The following TYW3 variants were observed in gnomAD, a reference collection of about 807,000 sequenced individuals.
TYW3 encodes tRNA-yW synthesizing protein 3 homolog.
TYW3 carries 26 observed loss-of-function variants against 23.1 expected under a neutral mutation model. The observed-to-expected ratio is 1.13, with a 90% CI of 0.83 to 1.56. TYW3 has a LOEUF of 1.56. TYW3 is among the 40% of genes most tolerant of loss of function. The probability of loss-of-function intolerance (pLI) is 0.00; values close to 1 mark genes in which losing one functional copy is unlikely to be tolerated. For synonymous variants in TYW3, 102 were observed against 105.7 expected (o/e 0.97, Z 0.21); for missense variants, 316 against 311.9 (o/e 1.01, Z -0.10).
intron 3 of TYW3, 91 bp downstream of exon 3, chr1:74,738,879 A>T: frequency 1.2e-6 from 1 of 813,138 alleles, no homozygotes; most frequent in Non-Finnish European, 1.9e-6. Context: ...TCAATGAGAT[A>T]TTACCTTATT....
intron 3 of TYW3, among the ~76,000 whole-genome samples, chr1:74,747,028 C>T (rs1648585843): frequency 6.6e-6 from 1 of 152,156 alleles, no homozygotes; most frequent in South Asian, 2.1e-4. Flanking sequence ...ATAGCAAGGG[C>T]TGGAGCAAAT....
rs1344319091 is a variant in TYW3, at chr1:74,733,289, G to T, written c.45G>T (p.Leu15Phe). The T allele has an allele frequency of 1.2e-6, 2 of 1,614,170 alleles. No homozygotes were observed. Among genetic ancestry groups the T allele is most frequent in the East Asian group, 4.5e-5 (2 of 44,884 alleles). Reference protein sequence around the residue: ...AEFRKWKAQCLSKADLSRKGS... With the variant: ...AEFRKWKAQCFSKADLSRKGS... ...TCAGGAAATGGAAGGCGCAATGTTT[G>T]AGCAAAGCGGACCTCAGCCGGAAGG... is the stretch of plus-strand genomic sequence containing the variant. Residue 15 changes from leucine to phenylalanine, a missense_variant, in exon 1 of 6, where the codon TTG becomes TTT. Leu to Phe is a conservative substitution (Grantham distance 22). Transcript: ENST00000370867.
At chr1:74,756,239 A>T (rs1372312446) in intron 5 of TYW3, among the ~76,000 whole-genome samples, 1 of 152,256 alleles carries the variant, frequency 6.6e-6, no homozygotes, top group East Asian at 1.9e-4. Flanking sequence ...AAAAATGTGG[A>T]AGCGACTTTG....
chr1:74,763,891 C>G lies in TYW3; in HGVS notation c.561-3C>G. 6.3e-7 allele frequency: 1 copy of G among 1,585,618 alleles called. No individual in the cohort carries two copies. The highest frequency in any genetic ancestry group is 8.5e-7 in the Non-Finnish European group (1 of 1,172,514). ...TATAATAGTAGTACTTATTTCTTCA[C>G]AGGTTTTACAACTGCCTACAGCATG... On this transcript the variant is annotated splice_polypyrimidine_tract_variant and splice_region_variant and intron_variant, in intron 5 of 5. Coordinates refer to ENST00000370867, the MANE Select transcript of TYW3 (RefSeq NM_138467.3).
intron 3 of TYW3, among the ~76,000 whole-genome samples, chr1:74,743,141 C>T (rs138183297): frequency 5.9e-5 from 9 of 152,264 alleles, no homozygotes; most frequent in Admixed American, 3.3e-4. Flanking sequence ...CATGGACAAG[C>T]GGGCAGCTTG....
chr1:74,763,364 A>G (rs1649191589), intron 5 of TYW3, among the ~76,000 whole-genome samples: 1 of 152,130 alleles, frequency 6.6e-6, no homozygotes, highest in Admixed American at 6.6e-5. Flanking sequence ...AGATGACATA[A>G]TGTTGTACTG....
At position 74,752,414 on chromosome 1, in the gene TYW3, A is replaced by G; in HGVS notation, c.549A>G (p.Lys183=). ...ATCAAAAAATGGAGGAAAACAAGAA[A>G]AGAATTGAGAGGTATATTAATTGGG... is the stretch of plus-strand genomic sequence containing the variant. ...VANQKMEENK[K]RIERFYNCLQ... The change falls in exon 5 of 6, where the codon AAA becomes AAG. Residue 183 remains lysine, a synonymous_variant. Transcript: ENST00000370867. The G allele has an allele frequency of 6.2e-7, 1 of 1,613,422 alleles. No individual in the cohort carries two copies. The highest frequency in any genetic ancestry group is 8.5e-7 in the Non-Finnish European group (1 of 1,179,636).
intron 3 of TYW3, 28 bp downstream of exon 3, chr1:74,738,816 AT>A: frequency 6.5e-7 from 1 of 1,549,348 alleles, no homozygotes; most frequent in Non-Finnish European, 8.9e-7. Flanking sequence ...TTGTACTTGA[AT>A]TTATAGATAT....
intron 5 of TYW3, among the ~76,000 whole-genome samples, chr1:74,762,521 T>G (rs1237688070): frequency 6.6e-6 from 1 of 152,138 alleles, no homozygotes; most frequent in African/African-American, 2.4e-5. Flanking sequence ...CAATATAGTC[T>G]TACTGAGTAT....
At chr1:74,753,446 G>A (rs906504559) in intron 5 of TYW3, among the ~76,000 whole-genome samples, 68 of 152,136 alleles carry the variant, frequency 4.5e-4, no homozygotes, top group African/African-American at 1.6e-3. Context: ...TTTTTTTGAA[G>A]CATTGAAGGC....
At chr1:74,763,498 TGAAAA>T (rs1557752206) in intron 5 of TYW3, among the ~76,000 whole-genome samples, 2 of 152,146 alleles carry the variant, frequency 1.3e-5, no homozygotes, top group Middle Eastern at 3.2e-3. Flanking sequence ...ATTAATAAAC[TGAAAA>T]GAAAAATATT....
chr1:74,748,883 C>T lies in TYW3; in HGVS notation c.426+61C>T. On this transcript the variant is annotated intron_variant, in intron 4 of 5. Transcript: ENST00000370867. ...TAAAGTGATCCAGAAATTGAATAACCTAATTAGACTCCTGCCTTTAATGTC... is the reference window on the plus strand; with the variant it reads ...TAAAGTGATCCAGAAATTGAATAACTTAATTAGACTCCTGCCTTTAATGTC... The T allele has an allele frequency of 2.2e-6, 3 of 1,392,344 alleles. No individual in the cohort carries two copies. The South Asian group carries it at 3.5e-5, about 16-fold the overall frequency. The allele number at this position is 1,392,344 out of a possible 1,614,324, so 86.2% of individuals were successfully genotyped here. A position where few individuals can be genotyped will look rare whatever the true frequency, so the allele number is the denominator to read the frequency against.
At chr1:74,745,773 A>T (rs773464712) in intron 3 of TYW3, among the ~76,000 whole-genome samples, 1 of 152,160 alleles carries the variant, frequency 6.6e-6, no homozygotes, top group Non-Finnish European at 1.5e-5. Flanking sequence ...ACAGAAATTT[A>T]TTTTTCTCAC....
chr1:74,746,773 G>A (rs1244640637), intron 3 of TYW3, among the ~76,000 whole-genome samples: 1 of 152,146 alleles, frequency 6.6e-6, no homozygotes, highest in African/African-American at 2.4e-5. Context: ...GCCTTTATTC[G>A]AAGGTTGCAG....
chr1:74,742,186 C>T (rs1322416361), intron 3 of TYW3, among the ~76,000 whole-genome samples: 1 of 152,198 alleles, frequency 6.6e-6, no homozygotes, highest in East Asian at 1.9e-4. Flanking sequence ...TAGTGACCTA[C>T]TCTTTGTTCC....
chr1:74,733,872 G>C (rs1366294860), intron 1 of TYW3, among the ~76,000 whole-genome samples: 1 of 152,108 alleles, frequency 6.6e-6, no homozygotes, highest in Non-Finnish European at 1.5e-5. Context: ...AACATCACCA[G>C]TGTTAAGGAG....
chr1:74,746,075 C>T (rs937184139), intron 3 of TYW3, among the ~76,000 whole-genome samples: 1 of 152,214 alleles, frequency 6.6e-6, no homozygotes, highest in African/African-American at 2.4e-5. Flanking sequence ...GCCCTGTAGA[C>T]ACAATTCAGT....
intron 3 of TYW3, among the ~76,000 whole-genome samples, chr1:74,740,699 A>G (rs1281154158): frequency 6.6e-6 from 1 of 152,080 alleles, no homozygotes; most frequent in African/African-American, 2.4e-5. Flanking sequence ...CAGAGTGCTG[A>G]TTGGTGCGTT....
chr1:74,755,168 G>GT (rs897309761), intron 5 of TYW3, among the ~76,000 whole-genome samples: 156 of 149,772 alleles, frequency 1.0e-3, no homozygotes, highest in East Asian at 5.5e-3. Flanking sequence ...ACTTTCAATA[G>GT]TTTTTTTTTT....
Sources: gnomAD v4.1 joint callset for allele counts (sites outside exome capture counted in the v4.1 genomes callset) on GRCh38, gnomAD v4.1.1 for gene constraint, MANE v1.5 for transcripts, NCBI Gene and HGNC (gene_info 2026-07-23, HGNC 2026-07-21) for gene names.